FAT1: variants seen among roughly 807,000 people sequenced by gnomAD.
FAT1 encodes protocadherin Fat 1.
In FAT1, 171 loss-of-function variants were observed where a neutral mutation model predicts 329.8. The observed-to-expected ratio is 0.52, with a 90% CI of 0.46 to 0.59. FAT1 has a LOEUF of 0.59. FAT1 is among the 20% of genes least tolerant of loss of function. FAT1 has a pLI of 0.00. For missense variants in FAT1, 5,672 were observed against 5,774.4 expected (o/e 0.98, Z 0.57); for synonymous variants, 2,233 against 2,228.6 (o/e 1.00, Z -0.06).
chr4:186,592,894 G>A (rs73028936), intron 26 of FAT1: 5,406 of 380,560 alleles, frequency 0.014, 117 homozygotes, highest in African/African-American at 0.064. Context: ...ATAATGATGC[G>A]TGGTCTCCTC....
At position 186,596,508 on chromosome 4, in the gene FAT1, A is replaced by T. The variant is rs2126385636; in HGVS notation, c.13000+32T>A. On this transcript the variant is annotated intron_variant, in intron 25 of 26. Transcript: ENST00000441802. The surrounding 1 kb of genome is among the most constrained non-coding windows in gnomAD (Gnocchi z 4.7). ...GTAACCTCACTGTTTATCTCAAGTG[A>T]CACTTTAGTGAGATGAAAAAGTGGC... 1 of 1,585,782 alleles carries T rather than the reference A, an allele frequency of 6.3e-7. No homozygotes were observed.
chr4:186,598,202 A>G (rs1738630621), intron 22 of FAT1, 77 bp from the exon 23 acceptor site: 2 of 1,329,300 alleles, frequency 1.5e-6, no homozygotes, highest in Admixed American at 2.9e-5. Flanking sequence ...ATTGCTTTTT[A>G]TCTTTATTCT....
chr4:186,644,104 G>A (rs1741239353), intron 3 of FAT1, among the ~76,000 whole-genome samples: 1 of 152,182 alleles, frequency 6.6e-6, no homozygotes, highest in Admixed American at 6.5e-5. Context: ...ACAAAGCCAG[G>A]AGTAGGATTT....
rs1304773914 is a variant in FAT1 at position 186,597,038 on chromosome 4, T to A, written c.12502A>T (p.Asn4168Tyr). 8 of 1,614,004 alleles carry A rather than the reference T, an allele frequency of 5.0e-6. No homozygotes were observed. Among genetic ancestry groups the A allele is most frequent in the Non-Finnish European group, 5.9e-6 (7 of 1,179,892 alleles). Residue 4168 changes from asparagine (N) to tyrosine (Y), a missense_variant, in exon 25 of 27, where the codon AAC (asparagine) becomes TAC (tyrosine). Transcript: ENST00000441802. ...RGRHCEDAAP[N>Y]QYVSTPWNIG... ...TTCCACGGCGTGGACACATACTGGT[T>A]GGGCGCAGCATCCTCGCAGTGACGT...
At chr4:186,674,405 C>A (rs1423665836) in intron 2 of FAT1, among the ~76,000 whole-genome samples, 1 of 152,224 alleles carries the variant, frequency 6.6e-6, no homozygotes, top group East Asian at 1.9e-4. Flanking sequence ...ACCTGGCTGA[C>A]TGGCTCCAGA....
chr4:186,660,797 C>T (rs1742130924), intron 3 of FAT1, among the ~76,000 whole-genome samples: 1 of 152,210 alleles, frequency 6.6e-6, no homozygotes, highest in Admixed American at 6.5e-5. Flanking sequence ...ATAGCAGACA[C>T]ATCATCATTT....
chr4:186,620,727 T>G lies in FAT1; in HGVS notation c.5859A>C (p.Arg1953Ser), dbSNP rs777287885. The G allele has an allele frequency of 5.0e-6, 8 of 1,614,032 alleles. No homozygotes were observed. Among genetic ancestry groups the G allele is most frequent in the Non-Finnish European group, 5.1e-6 (6 of 1,179,902 alleles). Reference sequence around the variant, plus strand: ...GGCCGGCAAATCTGCCATCGGAAGCTCTAACGGTTAGCTCGTAGCGGCTTC... The same window carrying G: ...GGCCGGCAAATCTGCCATCGGAAGCGCTAACGGTTAGCTCGTAGCGGCTTC... ...QLRSRYELTV[R>S]ASDGRFAGLT... is the part of the protein sequence containing the mutation. Residue 1953 changes from arginine to serine, a missense_variant, in exon 10 of 27, where the codon AGA (arginine) becomes AGC (serine). By Grantham distance (110) the Arg-to-Ser change is moderately radical. Around this residue, in one of 2 missense-constraint regions of FAT1, gnomAD observed 3,966 missense variants for 3,915.2 expected, o/e 1.01. Coordinates refer to ENST00000441802, the MANE Select transcript of FAT1 (RefSeq NM_005245.4).
intron 2 of FAT1, 92 bp downstream of exon 2, chr4:186,706,471 G>A (rs1179866124): frequency 7.3e-7 from 1 of 1,368,576 alleles, no homozygotes; most frequent in Non-Finnish European, 9.9e-7. Context: ...AGAGCAACAG[G>A]GAATTTTGAA....
At chr4:186,662,756 C>A (rs532837130) in intron 3 of FAT1, among the ~76,000 whole-genome samples, 23 of 152,236 alleles carry the variant, frequency 1.5e-4, no homozygotes, top group African/African-American at 5.5e-4. Flanking sequence ...GCTTTTTAAC[C>A]TGAAAGTGAA....
At chr4:186,623,435 G>A (rs1330059943) in intron 9 of FAT1, among the ~76,000 whole-genome samples, 3 of 152,206 alleles carry the variant, frequency 2.0e-5, no homozygotes, top group African/African-American at 7.2e-5. Context: ...GGCAGCCATG[G>A]TGACTCTCTT....
At chr4:186,658,063 A>G (rs1741988503) in intron 3 of FAT1, among the ~76,000 whole-genome samples, 1 of 152,222 alleles carries the variant, frequency 6.6e-6, no homozygotes, top group Non-Finnish European at 1.5e-5. Context: ...TTCCACCTTG[A>G]GCAAGTGCTC....
At position 186,619,063 on chromosome 4, in the gene FAT1, T is replaced by G. The variant is rs1478821871; in HGVS notation, c.7523A>C (p.His2508Pro). Reference sequence around the variant, plus strand: ...AGTTTTCACCTCCATCACCAGGGTATGTAGGGGAGCGTTTTCAGCTAGTTC... The same window carrying G: ...AGTTTTCACCTCCATCACCAGGGTAGGTAGGGGAGCGTTTTCAGCTAGTTC... ...EVELAENAPLHTLVMEVKTTD... is the reference protein window; with the variant it reads ...EVELAENAPLPTLVMEVKTTD... Residue 2508 changes from histidine (H) to proline (P), a missense_variant, in exon 10 of 27, where the codon CAT becomes CCT. Physicochemically the swap from His to Pro is moderately conservative, Grantham distance 77 (BLOSUM62 -2). This residue lies in a region of FAT1 where 3,966 missense variants were observed against 3,915.2 expected (regional missense o/e 1.01). Transcript: ENST00000441802. The G allele has an allele frequency of 6.2e-7, 1 of 1,613,860 alleles. No individual in the cohort carries two copies. The highest frequency in any genetic ancestry group is 8.5e-7 in the Non-Finnish European group (1 of 1,179,898).
Position 186,613,283 on chromosome 4 carries a change from CGAG to C in FAT1, c.9286_9288del (p.Leu3096del). ...CTTCCTCCTCCATCTGTGGCCCTGA[CGAG>C]AAGATGATAAACAGCTTGCTCCTCA... On this transcript the variant is annotated inframe_deletion, in exon 13 of 27. Coordinates refer to ENST00000441802, the MANE Select transcript of FAT1 (RefSeq NM_005245.4). 1 of 1,613,948 alleles carries C rather than the reference CGAG, an allele frequency of 6.2e-7. No homozygotes were observed. Among genetic ancestry groups the C allele is most frequent in the East Asian group, 2.2e-5 (1 of 44,882 alleles).
In FAT1 at chr4:186,709,831, T is replaced by A. The variant is rs1309367950; in HGVS notation, c.-4A>T. On this transcript the variant is annotated 5_prime_UTR_variant, in exon 2 of 27. The change creates a new upstream start codon in the 5' untranslated region. Coordinates refer to ENST00000441802, the MANE Select transcript of FAT1 (RefSeq NM_005245.4). The stretch of plus-strand genomic sequence containing the variant: ...GCAAAGCCAAATGTCTCCCCATTGC[T>A]TAACTGTCGGGAATCTGAAACAGAA... 2 of 1,592,340 alleles carry A rather than the reference T, an allele frequency of 1.3e-6. No individual in the cohort carries two copies. Among genetic ancestry groups the A allele is most frequent in the Non-Finnish European group, 8.6e-7 (1 of 1,166,606 alleles).
intron 20 of FAT1, 95 bp downstream of exon 20, chr4:186,602,804 ACTTT>A (rs1738877525): frequency 1.6e-6 from 2 of 1,282,320 alleles, no homozygotes; most frequent in South Asian, 3.0e-5. Flanking sequence ...CAATAAACAT[ACTTT>A]GCAATATTTT....
intron 1 of FAT1, among the ~76,000 whole-genome samples, chr4:186,717,600 C>A (rs1441731362): frequency 6.6e-6 from 1 of 152,174 alleles, no homozygotes; most frequent in African/African-American, 2.4e-5. Context: ...AAAATAGATT[C>A]CTGAAGTGTT....
In FAT1 at chr4:186,706,856, A is replaced by C; in HGVS notation, c.2972T>G (p.Phe991Cys). 6.2e-7 allele frequency: 1 copy of C among 1,613,914 alleles called. No individual in the cohort carries two copies. Among genetic ancestry groups the C allele is most frequent in the Non-Finnish European group, 8.5e-7 (1 of 1,179,882 alleles). Residue 991 changes from phenylalanine (F) to cysteine (C), a missense_variant, in exon 2 of 27, where the codon TTT (phenylalanine) becomes TGT (cysteine). Physicochemically the swap from Phe to Cys is radical, Grantham distance 205. This residue lies in a region of FAT1 where 3,966 missense variants were observed against 3,915.2 expected (regional missense o/e 1.01). Coordinates refer to ENST00000441802, the MANE Select transcript of FAT1 (RefSeq NM_005245.4). ...GAVRIVQQLD[F>C]EKKQVYNLTV... ...GAGATTATACACTTGCTTCTTCTCA[A>C]AGTCCAACTGCTGGACGATCCTAAC...
In FAT1 at chr4:186,653,100, A is replaced by G. The variant is rs184427426; in HGVS notation, c.3580+10199T>C. Among the ~76,000 whole-genome samples, 403 of 152,356 alleles carry G rather than the reference A, an allele frequency of 2.6e-3. 2 individuals carry two copies. The highest frequency in any genetic ancestry group is 9.1e-3 in the African/African-American group (378 of 41,580). ...AATGGAAACTGAGTAATTTGAGTAT[A>G]ACATGTCGACACAGAATAAGAGAAT... On this transcript the variant is annotated intron_variant, in intron 3 of 26. Coordinates refer to ENST00000441802, the MANE Select transcript of FAT1 (RefSeq NM_005245.4).
chr4:186,638,567 C>T (rs1740943885), intron 4 of FAT1, among the ~76,000 whole-genome samples: 1 of 151,980 alleles, frequency 6.6e-6, no homozygotes, highest in Non-Finnish European at 1.5e-5. Context: ...GGGGAAAGCA[C>T]TGTGGCTGTG....
Sources: gnomAD v4.1 joint callset for allele counts (sites outside exome capture counted in the v4.1 genomes callset) on GRCh38, gnomAD v4.1.1 for gene constraint, gnomAD v4.1.1 regional missense constraint, Gnocchi (gnomAD v3.1) non-coding constraint, MANE v1.5 for transcripts, NCBI Gene and HGNC (gene_info 2026-07-23, HGNC 2026-07-21) for gene names.